TLE4: variants seen among roughly 807,000 people sequenced by gnomAD.
TLE4 encodes the protein TLE family member 4, transcriptional corepressor.
A neutral mutation model predicts 92.8 loss-of-function variants in TLE4; 8 were observed. The observed-to-expected ratio is 0.09, with a 90% CI of 0.05 to 0.16. The LOEUF is 0.16. TLE4 is among the 10% of genes least tolerant of loss of function. The pLI, the probability that TLE4 is intolerant of heterozygous loss-of-function variation, is 1.00. For synonymous variants in TLE4, 371 were observed against 374.1 expected, an observed-to-expected ratio of 0.99 and a Z score of 0.10; for missense variants, 675 against 997.6, an observed-to-expected ratio of 0.68 and a Z score of 4.36.
intron 6 of TLE4, among the ~76,000 whole-genome samples, chr9:79,637,769 A>G (rs1249776108): frequency 1.3e-5 from 2 of 152,140 alleles, no homozygotes; most frequent in Non-Finnish European, 2.9e-5. Context: ...GTGTCCTTGG[A>G]TCTTCTGGAA....
chr9:79,594,903 G>A (rs1214046719), intron 4 of TLE4, among the ~76,000 whole-genome samples: 1 of 152,202 alleles, frequency 6.6e-6, no homozygotes, highest in Admixed American at 6.5e-5. Flanking sequence ...TACTTAAGCT[G>A]TAACATTTTT....
chr9:79,647,219 A>C (rs904598270), intron 6 of TLE4, among the ~76,000 whole-genome samples: 1 of 152,172 alleles, frequency 6.6e-6, no homozygotes, highest in African/African-American at 2.4e-5. Flanking sequence ...TAAAATGTTA[A>C]CATTAGTGAA....
At chr9:79,670,309 A>C (rs1451403835) in intron 8 of TLE4, among the ~76,000 whole-genome samples, 1 of 152,186 alleles carries the variant, frequency 6.6e-6, no homozygotes, top group African/African-American at 2.4e-5. Context: ...CATGACTCCA[A>C]AATTATGAGA....
intron 2 of TLE4, 103 bp from the exon 3 acceptor site, chr9:79,574,770 T>G: frequency 8.7e-6 from 8 of 924,796 alleles, no homozygotes; most frequent in African/African-American, 1.6e-5. Flanking sequence ...TTATTTAAGA[T>G]TGTTGATTTA....
chr9:79,607,007 C>T (rs574778659), intron 4 of TLE4, among the ~76,000 whole-genome samples: 1 of 152,130 alleles, frequency 6.6e-6, no homozygotes, highest in East Asian at 1.9e-4. Flanking sequence ...TAAAAGCCTT[C>T]CTATTTCTCC....
At chr9:79,622,426 T>C (rs1308121060) in intron 5 of TLE4, among the ~76,000 whole-genome samples, 1 of 152,178 alleles carries the variant, frequency 6.6e-6, no homozygotes, top group Non-Finnish European at 1.5e-5. Flanking sequence ...TCTTTTATCC[T>C]CATTCTTCAT....
Position 79,725,266 on chromosome 9 carries a change from A to C in TLE4, c.*122A>C. On this transcript the variant is annotated 3_prime_UTR_variant, in exon 20 of 20. Coordinates refer to ENST00000376552, the MANE Select transcript of TLE4 (RefSeq NM_007005.6). Reference sequence around the variant, plus strand: ...TTTCAGATACTCATTGCAGTTGTGGAGTTTAATCCCCTTTCTTAACCTCAC... The same window carrying C: ...TTTCAGATACTCATTGCAGTTGTGGCGTTTAATCCCCTTTCTTAACCTCAC... 1 of 646,554 alleles carries C rather than the reference A, an allele frequency of 1.5e-6. No homozygotes were observed. Among genetic ancestry groups the C allele is most frequent in the Non-Finnish European group, 2.7e-6 (1 of 371,624 alleles). The allele number at this position is 646,554 out of a possible 1,614,324, so 40.1% of individuals were successfully genotyped here. A position where few individuals can be genotyped will look rare whatever the true frequency, so the allele number is the denominator to read the frequency against.
intron 2 of TLE4, 150 bp from the exon 3 acceptor site, chr9:79,574,723 C>T: frequency 1.7e-6 from 1 of 599,214 alleles, no homozygotes. Context: ...GTTCCAATCA[C>T]CCCTTTCCCC....
chr9:79,644,613 C>T (rs1204508522), intron 6 of TLE4, among the ~76,000 whole-genome samples: 1 of 152,354 alleles, frequency 6.6e-6, no homozygotes, highest in Non-Finnish European at 1.5e-5. Flanking sequence ...TGCTTTCTCA[C>T]ACCTAGCCCG....
chr9:79,677,017 T>A (rs2063384502), intron 8 of TLE4, among the ~76,000 whole-genome samples: 1 of 152,128 alleles, frequency 6.6e-6, no homozygotes, highest in Non-Finnish European at 1.5e-5. Flanking sequence ...ATGGAAGGTA[T>A]AATGGTATAA....
Position 79,674,610 on chromosome 9 carries a change from T to G in TLE4, c.609+20535T>G, listed in dbSNP as rs73652229. On this transcript the variant is annotated intron_variant, in intron 8 of 19. Transcript: ENST00000376552. Reference sequence around the variant, plus strand: ...ATCCAAAGTATCGATTTTGTATATGTGTATTTGTAGTAGTGCTGTTGTGAT... The same window carrying G: ...ATCCAAAGTATCGATTTTGTATATGGGTATTTGTAGTAGTGCTGTTGTGAT... Among the ~76,000 whole-genome samples, 293 of 152,310 alleles carry G rather than the reference T, an allele frequency of 1.9e-3. 1 individual carries two copies. Among genetic ancestry groups the G allele is most frequent in the African/African-American group, 6.8e-3 (283 of 41,566 alleles).
At chr9:79,659,403 CTT>C (rs148019973) in intron 8 of TLE4, among the ~76,000 whole-genome samples, 1 of 146,418 alleles carries the variant, frequency 6.8e-6, no homozygotes, top group African/African-American at 2.5e-5. Flanking sequence ...ATAGTGGGCC[CTT>C]TTTTTTTTAG....
chr9:79,707,573 T>A (rs1439677197), intron 11 of TLE4, among the ~76,000 whole-genome samples: 2 of 152,220 alleles, frequency 1.3e-5, no homozygotes, highest in Admixed American at 6.5e-5. Context: ...AGGAAATTCC[T>A]CACTTGGTCT....
At chr9:79,642,513 AACTT>A (rs2057369027) in intron 6 of TLE4, among the ~76,000 whole-genome samples, 1 of 152,034 alleles carries the variant, frequency 6.6e-6, no homozygotes, top group Non-Finnish European at 1.5e-5. Context: ...TAAAGACTAA[AACTT>A]ACAAAATAGA....
At chr9:79,574,476 G>A (rs996564400) in intron 2 of TLE4, among the ~76,000 whole-genome samples, 1 of 152,106 alleles carries the variant, frequency 6.6e-6, no homozygotes, top group Non-Finnish European at 1.5e-5. Flanking sequence ...TAATCTCTTT[G>A]TAGAACATTA....
At chr9:79,643,552 A>G (rs1167918801) in intron 6 of TLE4, among the ~76,000 whole-genome samples, 1 of 152,112 alleles carries the variant, frequency 6.6e-6, no homozygotes, top group East Asian at 1.9e-4. Context: ...TTTTTAAGAT[A>G]TTGGCATTTT....
intron 10 of TLE4, 113 bp from the exon 11 acceptor site, chr9:79,706,633 AT>A: frequency 7.4e-7 from 1 of 1,347,118 alleles, no homozygotes; most frequent in African/African-American, 1.5e-5. Context: ...GTTCTAGCAC[AT>A]TTGTGCTTCT....
At chr9:79,652,831 C>G (rs772548731) in intron 7 of TLE4, 37 bp downstream of exon 7, 1 of 1,595,168 alleles carries the variant, frequency 6.3e-7, no homozygotes, top group Non-Finnish European at 8.6e-7. Flanking sequence ...CTGAGATGAC[C>G]TACTTGCTGC....
At chr9:79,701,285 A>T (rs56342689) in intron 8 of TLE4, among the ~76,000 whole-genome samples, 182 of 152,342 alleles carry the variant, frequency 1.2e-3, no homozygotes, top group African/African-American at 4.3e-3. Flanking sequence ...TCTACCAAGA[A>T]ACTCCAACAT....
Sources: gnomAD v4.1 joint callset for allele counts (sites outside exome capture counted in the v4.1 genomes callset) on GRCh38, gnomAD v4.1.1 for gene constraint, MANE v1.5 for transcripts, NCBI Gene and HGNC (gene_info 2026-07-23, HGNC 2026-07-21) for gene names.